Variants in PEX5L observed in about 807,000 individuals in gnomAD.
The protein encoded by PEX5L is peroxisomal biogenesis factor 5 like, also known as PEX5-related protein.
In PEX5L, 30 loss-of-function variants were observed where a neutral mutation model predicts 84.0. The observed-to-expected ratio is 0.36, with a 90% CI of 0.27 to 0.48. PEX5L has a LOEUF of 0.48. Ranked by LOEUF, PEX5L falls within the 20% of genes least tolerant of loss-of-function variation. The pLI is 0.99. For missense variants in PEX5L, 533 were observed against 754.6 expected, an observed-to-expected ratio of 0.71 and a Z score of 3.44; for synonymous variants, 270 against 283.1, an observed-to-expected ratio of 0.95 and a Z score of 0.46.
At position 179,973,099 on chromosome 3, in the gene PEX5L, G is replaced by A. The variant is rs114658595; in HGVS notation, c.22-1434C>T. 1.5e-3 allele frequency: 1,462 copies of A among 977,168 alleles called. 17 individuals carry two copies. The African/African-American group carries it at 0.023, about 16-fold the overall frequency. 60.5% of individuals were successfully genotyped at this position (977,168 alleles called of 1,614,324 possible). A position where few individuals can be genotyped will look rare whatever the true frequency, so the allele number is the denominator to read the frequency against. On this transcript the variant is annotated intron_variant, in intron 1 of 14. Coordinates refer to ENST00000467460, the MANE Select transcript of PEX5L (RefSeq NM_016559.3). ...ACTGGTTGCCATAAGATTTTGTCTA[G>A]AGTGTCTCTAATGTAAAACACTTAG...
intron 1 of PEX5L, among the ~76,000 whole-genome samples, chr3:180,004,889 ATTAG>A: frequency 1.3e-5 from 2 of 152,254 alleles, no homozygotes; most frequent in South Asian, 4.2e-4. Flanking sequence ...GCATACTAGA[ATTAG>A]TTAAAAATTG....
chr3:179,908,316 G>A (rs1049815535), intron 2 of PEX5L, among the ~76,000 whole-genome samples: 1 of 152,196 alleles, frequency 6.6e-6, no homozygotes, highest in Non-Finnish European at 1.5e-5. Flanking sequence ...AGCTAATGGA[G>A]CCAGTGGAGC....
At chr3:179,826,115 G>A (rs917941893) in intron 8 of PEX5L, among the ~76,000 whole-genome samples, 5 of 152,064 alleles carry the variant, frequency 3.3e-5, no homozygotes, top group East Asian at 1.9e-4. Flanking sequence ...AGGAAAGACT[G>A]GAAATGATGG....
intron 8 of PEX5L, among the ~76,000 whole-genome samples, chr3:179,851,806 T>C (rs555998079): frequency 1.4e-4 from 22 of 152,314 alleles, no homozygotes; most frequent in Admixed American, 9.8e-4. Flanking sequence ...GAACATGGAC[T>C]GTCACAAAAA....
rs1789270282 is a variant in PEX5L at position 180,009,891 on chromosome 3, CT to C, written c.21+26687del. Among the ~76,000 whole-genome samples the C allele has an allele frequency of 5.3e-5, 8 of 152,230 alleles. No individual in the cohort carries two copies. The South Asian group carries it at 1.7e-3, about 32-fold the overall frequency. On this transcript the variant is annotated intron_variant, in intron 1 of 14. Coordinates refer to ENST00000467460, the MANE Select transcript of PEX5L (RefSeq NM_016559.3). The stretch of plus-strand genomic sequence containing the variant: ...CTGTGGTTCTCCATATTGGGTGATT[CT>C]TCCCTCTCCTCCACCTGCCAGAAAC...
chr3:180,011,933 A>C (rs1223989538), intron 1 of PEX5L, among the ~76,000 whole-genome samples: 2 of 152,250 alleles, frequency 1.3e-5, no homozygotes, highest in African/African-American at 2.4e-5. Context: ...ACAGCTTCTT[A>C]GCACTGACTA....
intron 1 of PEX5L, among the ~76,000 whole-genome samples, chr3:180,032,679 C>T (rs1791565858): frequency 6.6e-6 from 1 of 152,132 alleles, no homozygotes; most frequent in African/African-American, 2.4e-5. Context: ...CATGGTGAAA[C>T]CCTGTCTCTA....
chr3:180,016,064 A>G lies in PEX5L; in HGVS notation c.21+20515T>C, dbSNP rs563213993. ...TGAGCATGACTGATTTGGGGAAAAAACATTCTTTTCCACAAAGAGAAGTAA... is the reference window on the plus strand; with the variant it reads ...TGAGCATGACTGATTTGGGGAAAAAGCATTCTTTTCCACAAAGAGAAGTAA... On this transcript the variant is annotated intron_variant, in intron 1 of 14. Coordinates refer to ENST00000467460, the MANE Select transcript of PEX5L (RefSeq NM_016559.3). Among the ~76,000 whole-genome samples, 3 of 151,968 alleles carry G rather than the reference A, an allele frequency of 2.0e-5. No individual in the cohort carries two copies. In the South Asian group the frequency reaches 6.2e-4, roughly 32 times the overall value.
intron 2 of PEX5L, among the ~76,000 whole-genome samples, chr3:179,945,503 T>C (rs1777266734): frequency 6.6e-6 from 1 of 152,216 alleles, no homozygotes; most frequent in Non-Finnish European, 1.5e-5. Flanking sequence ...GAGGTTGTGA[T>C]AAGGGCTACA....
chr3:179,895,314 C>T lies in PEX5L; in HGVS notation c.198+2828G>A, dbSNP rs1364949614. ...AGCACATCTCAGTTTGGAGCAGCCA[C>T]GGTTCAGGAGCCACATAAAGCTCAG... On this transcript the variant is annotated intron_variant, in intron 3 of 14. Coordinates refer to ENST00000467460, the MANE Select transcript of PEX5L (RefSeq NM_016559.3). Among the ~76,000 whole-genome samples, 9 of 152,054 alleles carry T rather than the reference C, an allele frequency of 5.9e-5. No homozygotes were observed. In the East Asian group the frequency reaches 7.7e-4, roughly 13 times the overall value.
chr3:179,807,210 C>G (rs900206846), intron 14 of PEX5L, among the ~76,000 whole-genome samples: 2 of 152,096 alleles, frequency 1.3e-5, no homozygotes, highest in African/African-American at 4.8e-5. Context: ...GTTTAGAAAA[C>G]CTGGACTCTT....
intron 8 of PEX5L, among the ~76,000 whole-genome samples, chr3:179,853,845 T>G (rs565506990): frequency 7.9e-5 from 12 of 151,280 alleles, no homozygotes; most frequent in African/African-American, 1.2e-4. Context: ...AGGGTCTCCT[T>G]CTGTCATTCA....
intron 4 of PEX5L, among the ~76,000 whole-genome samples, chr3:179,886,686 C>T (rs77258524): frequency 0.012 from 1,770 of 152,260 alleles, 44 homozygotes; most frequent in African/African-American, 0.041. Flanking sequence ...CCTCACATAA[C>T]AAGCCTGTCT....
intron 2 of PEX5L, among the ~76,000 whole-genome samples, chr3:179,927,430 G>A (rs559438808): frequency 6.6e-6 from 1 of 152,312 alleles, no homozygotes; most frequent in South Asian, 2.1e-4. Flanking sequence ...CCTGCAGAGA[G>A]TGATAGGGAG....
rs373790548 is a variant in PEX5L, at chr3:179,866,832, C to A, written c.726+7495G>T. ...CCGAGCTCGGGAGTTTGAAACCAGC[C>A]TGGGCAACATCGCAAAACCCTGTCT... is the stretch of plus-strand genomic sequence containing the variant. On this transcript the variant is annotated intron_variant, in intron 7 of 14. Coordinates refer to ENST00000467460, the MANE Select transcript of PEX5L (RefSeq NM_016559.3). 2.0e-5 allele frequency among the ~76,000 whole-genome samples: 3 copies of A among 151,778 alleles called. 1 individual carries two copies. Among genetic ancestry groups the A allele is most frequent in the Admixed American group, 2.0e-4 (3 of 15,226 alleles).
chr3:179,797,723 T>A lies in PEX5L; in HGVS notation c.*4105A>T, dbSNP rs963386906. Reference sequence around the variant, plus strand: ...ACTGCAGTAAAATGTGGATACGAAATGAATTTGAAATTATTTTACAAGGTT... The same window carrying A: ...ACTGCAGTAAAATGTGGATACGAAAAGAATTTGAAATTATTTTACAAGGTT... On this transcript the variant is annotated 3_prime_UTR_variant, in exon 15 of 15. Transcript: ENST00000467460. The A allele has an allele frequency of 6.6e-6, 1 of 151,244 alleles. No homozygotes were observed. Among genetic ancestry groups the A allele is most frequent in the African/African-American group, 2.4e-5 (1 of 41,216 alleles). 9.4% of individuals were successfully genotyped at this position (151,244 alleles called of 1,614,324 possible).
chr3:180,035,148 T>A (rs1342029556), intron 1 of PEX5L, among the ~76,000 whole-genome samples: 1 of 152,178 alleles, frequency 6.6e-6, no homozygotes, highest in Non-Finnish European at 1.5e-5. Context: ...CTTCCTGTTT[T>A]ACCCTTGTGA....
chr3:179,902,607 T>C (rs1761777130), intron 2 of PEX5L: 1 of 450,108 alleles, frequency 2.2e-6, no homozygotes, highest in Non-Finnish European at 4.5e-6. Flanking sequence ...CTTTAGCATC[T>C]CTCTAATTCT....
chr3:180,034,787 A>G (rs1791754197), intron 1 of PEX5L, among the ~76,000 whole-genome samples: 1 of 152,128 alleles, frequency 6.6e-6, no homozygotes, highest in South Asian at 2.1e-4. Context: ...TTTTACTGCA[A>G]GTCATCATAT....
Sources: allele counts gnomAD v4.1 joint callset (sites outside exome capture counted in the v4.1 genomes callset), GRCh38; gene constraint gnomAD v4.1.1; transcripts MANE v1.5; gene names NCBI Gene and HGNC (gene_info 2026-07-23, HGNC 2026-07-21).